Variants in CDK7 observed in about 807,000 individuals in gnomAD.
CDK7 encodes cyclin dependent kinase 7.
Under a neutral mutation model 49.1 loss-of-function variants are expected in CDK7, and 25 were observed. The ratio of observed to expected loss-of-function variants is 0.51; its 90% CI spans 0.37 to 0.71. The LOEUF is 0.71. CDK7 is among the 30% of genes least tolerant of loss of function. The probability of loss-of-function intolerance (pLI) is 0.00; values close to 1 mark genes in which losing one functional copy is unlikely to be tolerated. For synonymous variants in CDK7, 107 were observed against 140.0 expected, an observed-to-expected ratio of 0.76 and a Z score of 1.67; for missense variants, 316 against 411.7, an observed-to-expected ratio of 0.77 and a Z score of 2.01.
intron 2 of CDK7, among the ~76,000 whole-genome samples, chr5:69,246,430 C>T (rs1467968883): frequency 1.3e-5 from 2 of 151,980 alleles, no homozygotes; most frequent in African/African-American, 2.4e-5. Context: ...CCACCGCACC[C>T]GGCCAGAAGT....
chr5:69,256,637 G>A (rs1178927594), intron 5 of CDK7, among the ~76,000 whole-genome samples: 4 of 151,944 alleles, frequency 2.6e-5, no homozygotes, highest in Non-Finnish European at 5.9e-5. Flanking sequence ...CACCATGCCC[G>A]GCCTCTTTCT....
chr5:69,276,827 T>G (rs1752197203), intron 11 of CDK7, 137 bp downstream of exon 11: 4 of 807,950 alleles, frequency 5.0e-6, no homozygotes, highest in South Asian at 3.8e-5. Context: ...TTGTATAAAG[T>G]AGAGAGACTG....
At chr5:69,266,859 A>C (rs574952734) in intron 8 of CDK7, among the ~76,000 whole-genome samples, 8 of 152,332 alleles carry the variant, frequency 5.3e-5, no homozygotes, top group South Asian at 4.1e-4. Flanking sequence ...CATTACCTTT[A>C]GGAAAACCAA....
intron 8 of CDK7, among the ~76,000 whole-genome samples, chr5:69,267,121 C>CAA (rs1469374777): frequency 6.6e-6 from 1 of 151,964 alleles, no homozygotes; most frequent in African/African-American, 2.4e-5. Flanking sequence ...TTCAAACATG[C>CAA]AAAAGCAAAG....
intron 8 of CDK7, among the ~76,000 whole-genome samples, chr5:69,265,687 A>G (rs1345628913): frequency 1.3e-5 from 2 of 152,204 alleles, no homozygotes; most frequent in African/African-American, 2.4e-5. Flanking sequence ...AGGCGGGTGG[A>G]TCACTTGAGC....
chr5:69,251,501 T>C (rs1750141755), intron 2 of CDK7, among the ~76,000 whole-genome samples: 1 of 152,158 alleles, frequency 6.6e-6, no homozygotes, highest in Non-Finnish European at 1.5e-5. Context: ...TACCCAGGCC[T>C]CCCAAAATAC....
chr5:69,273,856 C>T lies in CDK7; in HGVS notation c.864+815C>T, dbSNP rs115353318. ...GCTTGTATAAGCCTTCTCTTTTTAG[C>T]AATGTGTGCTATGTGAATATATATG... On this transcript the variant is annotated intron_variant, in intron 10 of 11. Coordinates refer to ENST00000256443, the MANE Select transcript of CDK7 (RefSeq NM_001799.4). Among the ~76,000 whole-genome samples the T allele has an allele frequency of 2.7e-3, 413 of 152,142 alleles. 1 individual carries two copies. Among genetic ancestry groups the T allele is most frequent in the African/African-American group, 9.6e-3 (398 of 41,494 alleles).
chr5:69,244,146 T>G (rs924809858), intron 2 of CDK7, among the ~76,000 whole-genome samples: 29 of 152,208 alleles, frequency 1.9e-4, no homozygotes, highest in African/African-American at 6.5e-4. Context: ...GTTTTTATTT[T>G]AGAGATCTTT....
At chr5:69,235,755 C>T (rs753489174) in intron 2 of CDK7, among the ~76,000 whole-genome samples, 2 of 152,216 alleles carry the variant, frequency 1.3e-5, no homozygotes, top group Non-Finnish European at 1.5e-5. Context: ...CATGATCTTT[C>T]TAGGTCACTG....
At chr5:69,263,652 G>T (rs1016029892) in intron 8 of CDK7, among the ~76,000 whole-genome samples, 1 of 152,176 alleles carries the variant, frequency 6.6e-6, no homozygotes, top group Non-Finnish European at 1.5e-5. Flanking sequence ...TGCTAACAGG[G>T]GGTCCTGTGA....
intron 7 of CDK7, among the ~76,000 whole-genome samples, chr5:69,260,467 A>G (rs1400936644): frequency 6.6e-6 from 1 of 152,226 alleles, no homozygotes; most frequent in Non-Finnish European, 1.5e-5. Flanking sequence ...ATCCTAAGAC[A>G]TTTACCTTGT....
intron 5 of CDK7, among the ~76,000 whole-genome samples, chr5:69,256,675 G>A (rs1211262317): frequency 6.6e-6 from 1 of 152,054 alleles, no homozygotes; most frequent in Non-Finnish European, 1.5e-5. Context: ...CAGTGGTATT[G>A]CTAGATCACA....
At chr5:69,268,326 T>C (rs1262912636) in intron 8 of CDK7, among the ~76,000 whole-genome samples, 1 of 152,336 alleles carries the variant, frequency 6.6e-6, no homozygotes. Context: ...GGGCAGGGAA[T>C]GTCTCGTTTT....
intron 7 of CDK7, among the ~76,000 whole-genome samples, chr5:69,261,512 G>GTGTGTGTGTA (rs2150215272): frequency 7.0e-6 from 1 of 142,400 alleles, no homozygotes; most frequent in South Asian, 2.4e-4. Context: ...GTGTGTGTGT[G>GTGTGTGTGTA]TGTGTGTGTG....
chr5:69,235,829 T>C (rs188563654), intron 2 of CDK7, among the ~76,000 whole-genome samples: 8 of 152,380 alleles, frequency 5.3e-5, no homozygotes, highest in Admixed American at 2.6e-4. Flanking sequence ...GGATTTACCA[T>C]GAAAGACTTT....
intron 2 of CDK7, among the ~76,000 whole-genome samples, chr5:69,244,462 G>C (rs886785219): frequency 6.6e-6 from 1 of 151,704 alleles, no homozygotes; most frequent in African/African-American, 2.4e-5. Flanking sequence ...GAGAAACCTC[G>C]TCTCTACTAA....
intron 2 of CDK7, among the ~76,000 whole-genome samples, chr5:69,251,297 A>G (rs1451166912): frequency 2.0e-5 from 3 of 151,632 alleles, no homozygotes; most frequent in Non-Finnish European, 4.4e-5. Context: ...ACGGGGTTTC[A>G]CCATATTGTC....
intron 2 of CDK7, among the ~76,000 whole-genome samples, chr5:69,249,435 G>A (rs547586725): frequency 6.6e-6 from 1 of 152,040 alleles, no homozygotes; most frequent in African/African-American, 2.4e-5. Context: ...CAGCTTCTTG[G>A]GGGGGTCTGA....
chr5:69,265,117 T>G (rs1289696633), intron 8 of CDK7, among the ~76,000 whole-genome samples: 2 of 151,628 alleles, frequency 1.3e-5, no homozygotes, highest in Non-Finnish European at 2.9e-5. Context: ...CAAAAAAAAT[T>G]AGCTAGGCGT....
Sources: gnomAD v4.1 joint callset for allele counts (sites outside exome capture counted in the v4.1 genomes callset) on GRCh38, gnomAD v4.1.1 for gene constraint, MANE v1.5 for transcripts, NCBI Gene and HGNC (gene_info 2026-07-23, HGNC 2026-07-21) for gene names.